The following TLCD2 variants were observed in gnomAD, a reference collection of about 807,000 sequenced individuals.
TLCD2 encodes the protein TLC domain containing 2.
In TLCD2, 12 loss-of-function variants were observed where a neutral mutation model predicts 14.0. The ratio of observed to expected loss-of-function variants is 0.86; its 90% CI spans 0.55 to 1.39. TLCD2 has a LOEUF of 1.39. TLCD2 is among the 40% of genes most tolerant of loss of function. The pLI is 0.00. For missense variants in TLCD2, 360 were observed against 346.8 expected, an observed-to-expected ratio of 1.04 and a Z score of -0.30; for synonymous variants, 166 against 156.5, an observed-to-expected ratio of 1.06 and a Z score of -0.45.
Position 1,709,585 on chromosome 17 carries a change from T to C in TLCD2, c.260-4A>G. The C allele has an allele frequency of 6.5e-7, 1 of 1,536,886 alleles. No homozygotes were observed. Among genetic ancestry groups the C allele is most frequent in the Non-Finnish European group, 8.7e-7 (1 of 1,146,804 alleles). On this transcript the variant is annotated splice_polypyrimidine_tract_variant and splice_region_variant and intron_variant, in intron 2 of 3. Coordinates refer to ENST00000330676, the MANE Select transcript of TLCD2 (RefSeq NM_001164407.2). The stretch of plus-strand genomic sequence containing the variant: ...GCTCCGTCTGCCAGGAAGTAACCTG[T>C]GGGCATGGGGGTAGGGGTTAGGCTG...
rs1206381724 is a variant in TLCD2, at chr17:1,709,601, G to T, written c.260-20C>A. 2 of 1,534,490 alleles carry T rather than the reference G, an allele frequency of 1.3e-6. No homozygotes were observed. Among genetic ancestry groups the T allele is most frequent in the Non-Finnish European group, 1.7e-6 (2 of 1,144,764 alleles). On this transcript the variant is annotated intron_variant, in intron 2 of 3. Transcript: ENST00000330676. ...AGTAACCTGTGGGCATGGGGGTAGG[G>T]GTTAGGCTGCTCCAGAGCCCGGGCA...
rs1274620603 is a variant in TLCD2, at chr17:1,709,853, G to A, written c.210C>T (p.Pro70=). 1.3e-6 allele frequency: 2 copies of A among 1,535,098 alleles called. No homozygotes were observed. The highest frequency in any genetic ancestry group is 2.7e-5 in the African/African-American group (2 of 73,002). ...LSLYPQMAAD[P]IHGHPRWALV... ...GAGCCCAGCGCGGGTGGCCATGGAT[G>A]GGGTCGGCGGCCATCTGAGGGTACA... Residue 70 remains proline, a synonymous_variant, in exon 2 of 4, where the codon CCC becomes CCT. Transcript: ENST00000330676.
At position 1,710,256 on chromosome 17, in the gene TLCD2, G is replaced by A. The variant is rs1914186994; in HGVS notation, c.-14C>T. 6.6e-7 allele frequency: 1 copy of A among 1,508,654 alleles called. No individual in the cohort carries two copies. The highest frequency in any genetic ancestry group is 1.2e-5 in the South Asian group (1 of 81,180). The allele number at this position is 1,508,654 out of a possible 1,614,324, so 93.5% of individuals were successfully genotyped here. A position where few individuals can be genotyped will look rare whatever the true frequency, so the allele number is the denominator to read the frequency against. ...CGTGGGCGCCATGGCCTGGCGGTTG[G>A]GGGGTTGCGGGGAGTCCGGGTCGGT... On this transcript the variant is annotated 5_prime_UTR_variant, in exon 1 of 4. Coordinates refer to ENST00000330676, the MANE Select transcript of TLCD2 (RefSeq NM_001164407.2). The surrounding 1 kb of genome is among the most constrained non-coding windows in gnomAD (Gnocchi z 6.1).
At chr17:1,708,927 G>A (rs1162324591) in intron 3 of TLCD2, among the ~76,000 whole-genome samples, 1 of 152,072 alleles carries the variant, frequency 6.6e-6, no homozygotes, top group Admixed American at 6.5e-5. Context: ...CCCTGGCATG[G>A]TGGGTGCCCT....
In TLCD2 at chr17:1,705,385, G is replaced by T. The variant is rs939654560; in HGVS notation, c.*2385C>A. On this transcript the variant is annotated 3_prime_UTR_variant, in exon 4 of 4. Coordinates refer to ENST00000330676, the MANE Select transcript of TLCD2 (RefSeq NM_001164407.2). ...TTTCCTCCATCACTCCTGAGCCTGG[G>T]TGTTTCTCCTTGTCACTCACTCTAT... 5.9e-5 allele frequency: 9 copies of T among 152,486 alleles called. No homozygotes were observed. Among genetic ancestry groups the T allele is most frequent in the African/African-American group, 2.2e-4 (9 of 41,428 alleles). 9.4% of individuals were successfully genotyped at this position (152,486 alleles called of 1,614,324 possible). A position where few individuals can be genotyped will look rare whatever the true frequency, so the allele number is the denominator to read the frequency against.
intron 2 of TLCD2, 37 bp from the exon 3 acceptor site, chr17:1,709,618 G>T (rs991065574): frequency 6.6e-7 from 1 of 1,514,616 alleles, no homozygotes; most frequent in Non-Finnish European, 8.9e-7. Flanking sequence ...CTGCTCCAGA[G>T]CCCGGGCAGC....
chr17:1,709,111 G>T (rs891918955), intron 3 of TLCD2, among the ~76,000 whole-genome samples: 1 of 152,118 alleles, frequency 6.6e-6, no homozygotes, highest in African/African-American at 2.4e-5. Context: ...AGAGAGGGCC[G>T]GGGGCGGTGG....
rs1914018667 is a variant in TLCD2, at chr17:1,705,928, G to A, written c.*1842C>T. 1 of 152,012 alleles carries A rather than the reference G, an allele frequency of 6.6e-6. No individual in the cohort carries two copies. The allele number at this position is 152,012 out of a possible 1,614,324, so 9.4% of individuals were successfully genotyped here. A position where few individuals can be genotyped will look rare whatever the true frequency, so the allele number is the denominator to read the frequency against. ...AAAAACGCAGCAGAAGCAGCAGGGA[G>A]GAAGAAGACTTTATGAATGTATCTC... is the stretch of plus-strand genomic sequence containing the variant. On this transcript the variant is annotated 3_prime_UTR_variant, in exon 4 of 4. Coordinates refer to ENST00000330676, the MANE Select transcript of TLCD2 (RefSeq NM_001164407.2).
At chr17:1,708,525 CCA>C (rs1914114326) in intron 3 of TLCD2, among the ~76,000 whole-genome samples, 1 of 145,776 alleles carries the variant, frequency 6.9e-6, no homozygotes, top group Admixed American at 6.9e-5. Context: ...TCTCACTCTG[CCA>C]CCAGGCTGGA....
intron 3 of TLCD2, among the ~76,000 whole-genome samples, chr17:1,708,574 C>T (rs1221433907): frequency 6.7e-6 from 1 of 150,348 alleles, no homozygotes; most frequent in Non-Finnish European, 1.5e-5. Flanking sequence ...GCAACCTCTG[C>T]CTCCTGGGTT....
chr17:1,707,789 G>A lies in TLCD2; in HGVS notation c.776C>T (p.Thr259Ile), dbSNP rs1459001945. The change falls in exon 4 of 4, where the codon ACT becomes ATT. Residue 259 changes from threonine to isoleucine, a missense_variant. Thr to Ile is a moderately conservative substitution (Grantham distance 89, BLOSUM62 -1). Transcript: ENST00000330676. ...DNGPVTSNSS[T>I]LSLKD The stretch of plus-strand genomic sequence containing the variant: ...TTCTCTCTAGTCTTTCAGGCTGAGA[G>A]TCGAACTGTTGCTGGTGACAGGTCC... 6 of 1,501,554 alleles carry A rather than the reference G, an allele frequency of 4.0e-6. No homozygotes were observed. The East Asian group carries it at 1.2e-4, about 31-fold the overall frequency. The allele number at this position is 1,501,554 out of a possible 1,614,324, so 93.0% of individuals were successfully genotyped here. A position where few individuals can be genotyped will look rare whatever the true frequency, so the allele number is the denominator to read the frequency against.
At chr17:1,708,257 T>C (rs1355699490) in intron 3 of TLCD2, 35 bp from the exon 4 acceptor site, 14 of 1,452,016 alleles carry the variant, frequency 9.6e-6, no homozygotes, top group Non-Finnish European at 1.2e-5. Context: ...AGGAACCCCA[T>C]GACCTGCCAG....
chr17:1,707,242 G>A lies in TLCD2; in HGVS notation c.*528C>T, dbSNP rs1255996309. ...CAGAAACATCAGCAGCAATTGCTGT[G>A]GCCCAGGTTCTGTCTCTTGGCAACT... is the stretch of plus-strand genomic sequence containing the variant. On this transcript the variant is annotated 3_prime_UTR_variant, in exon 4 of 4. Transcript: ENST00000330676. 1 of 153,992 alleles carries A rather than the reference G, an allele frequency of 6.5e-6. No homozygotes were observed. The highest frequency in any genetic ancestry group is 2.4e-5 in the African/African-American group (1 of 41,498). The allele number at this position is 153,992 out of a possible 1,614,324, so 9.5% of individuals were successfully genotyped here. A position where few individuals can be genotyped will look rare whatever the true frequency, so the allele number is the denominator to read the frequency against.
At position 1,710,007 on chromosome 17, in the gene TLCD2, C is replaced by T. The variant is rs1385937857; in HGVS notation, c.176+60G>A. ...CTCTGGAGACGCCCGGCGGGTCTCC[C>T]GGCCTCAGCCTCCCACCCCTCGCCC... On this transcript the variant is annotated intron_variant, in intron 1 of 3. Coordinates refer to ENST00000330676, the MANE Select transcript of TLCD2 (RefSeq NM_001164407.2). The surrounding 1 kb of genome is among the most constrained non-coding windows in gnomAD (Gnocchi z 6.1). The T allele has an allele frequency of 9.9e-6, 15 of 1,518,192 alleles. No individual in the cohort carries two copies. Among genetic ancestry groups the T allele is most frequent in the Middle Eastern group, 2.3e-4 (1 of 4,324 alleles). 94.0% of individuals were successfully genotyped at this position (1,518,192 alleles called of 1,614,324 possible).
rs1913979612 is a variant in TLCD2, at chr17:1,704,774, CT to C, written c.*2995del. 1 of 151,392 alleles carries C rather than the reference CT, an allele frequency of 6.6e-6. No homozygotes were observed. Among genetic ancestry groups the C allele is most frequent in the Non-Finnish European group, 1.5e-5 (1 of 67,918 alleles). 9.4% of individuals were successfully genotyped at this position (151,392 alleles called of 1,614,324 possible). A position where few individuals can be genotyped will look rare whatever the true frequency, so the allele number is the denominator to read the frequency against. On this transcript the variant is annotated 3_prime_UTR_variant, in exon 4 of 4. Transcript: ENST00000330676. ...CTGGACTGCAGTGGCACTATCTCGG[CT>C]CATTATAACAACCTCGGCCTCCCAG... is the stretch of plus-strand genomic sequence containing the variant.
chr17:1,709,736 T>G, intron 2 of TLCD2, 68 bp downstream of exon 2: 1 of 1,251,780 alleles, frequency 8.0e-7, no homozygotes, highest in Non-Finnish European at 1.1e-6. Context: ...GGAATGGACC[T>G]GGAAGGACAG....
At position 1,708,201 on chromosome 17, in the gene TLCD2, C is replaced by T. The variant is rs533525631; in HGVS notation, c.364G>A (p.Ala122Thr). ...CCCACGTAGTGGCCAGACAGAACAGCGGTGCTGAGGCAGCTCACCACCTGG... is the reference window on the plus strand; with the variant it reads ...CCCACGTAGTGGCCAGACAGAACAGTGGTGCTGAGGCAGCTCACCACCTGG... ...HLVVVSCLST[A>T]VLSGHYVGFS... The change falls in exon 4 of 4, where the codon GCT becomes ACT. Residue 122 changes from alanine to threonine, a missense_variant. Transcript: ENST00000330676. 2.8e-5 allele frequency: 43 copies of T among 1,530,946 alleles called. No homozygotes were observed. Among genetic ancestry groups the T allele is most frequent in the South Asian group, 7.2e-5 (6 of 83,534 alleles). The allele number at this position is 1,530,946 out of a possible 1,614,324, so 94.8% of individuals were successfully genotyped here. A position where few individuals can be genotyped will look rare whatever the true frequency, so the allele number is the denominator to read the frequency against.
At position 1,707,659 on chromosome 17, in the gene TLCD2, A is replaced by G. The variant is rs1914074576; in HGVS notation, c.*111T>C. 1.2e-6 allele frequency: 1 copy of G among 815,040 alleles called. No individual in the cohort carries two copies. Among genetic ancestry groups the G allele is most frequent in the African/African-American group, 1.7e-5 (1 of 57,624 alleles). 50.5% of individuals were successfully genotyped at this position (815,040 alleles called of 1,614,324 possible). ...TGTGAGTTAGCTGGAAGAGAAACTG[A>G]GATTCTGATGAGCAAGTCTGGCCCT... On this transcript the variant is annotated 3_prime_UTR_variant, in exon 4 of 4. Coordinates refer to ENST00000330676, the MANE Select transcript of TLCD2 (RefSeq NM_001164407.2).
At position 1,707,395 on chromosome 17, in the gene TLCD2, A is replaced by C; in HGVS notation, c.*375T>G. The C allele has an allele frequency of 4.5e-6, 1 of 221,600 alleles. No homozygotes were observed. The allele number at this position is 221,600 out of a possible 1,614,324, so 13.7% of individuals were successfully genotyped here. ...CCCCATACCAGATCTCTCTGATCCT[A>C]GTGGGACTTCACCTTCCCCCATCTG... On this transcript the variant is annotated 3_prime_UTR_variant, in exon 4 of 4. Coordinates refer to ENST00000330676, the MANE Select transcript of TLCD2 (RefSeq NM_001164407.2).
Sources: gnomAD v4.1 joint callset for allele counts (sites outside exome capture counted in the v4.1 genomes callset) on GRCh38, gnomAD v4.1.1 for gene constraint, Gnocchi (gnomAD v3.1) non-coding constraint, MANE v1.5 for transcripts, NCBI Gene and HGNC (gene_info 2026-07-23, HGNC 2026-07-21) for gene names.